EDRF1: variants seen among roughly 807,000 people sequenced by gnomAD.
EDRF1 encodes erythroid differentiation-related factor 1.
A neutral mutation model predicts 148.7 loss-of-function variants in EDRF1; 69 were observed. The observed-to-expected ratio is 0.46, with a 90% CI of 0.38 to 0.57. The LOEUF (loss-of-function observed/expected upper bound fraction) is 0.57. Ranked by LOEUF, EDRF1 falls within the 20% of genes least tolerant of loss-of-function variation. The pLI is 0.00. For synonymous variants in EDRF1, 515 were observed against 532.8 expected, an observed-to-expected ratio of 0.97 and a Z score of 0.46; for missense variants, 1,118 against 1,478.7, an observed-to-expected ratio of 0.76 and a Z score of 4.00.
At chr10:125,758,192 T>A (rs1005570437) in intron 24 of EDRF1, among the ~76,000 whole-genome samples, 1 of 152,236 alleles carries the variant, frequency 6.6e-6, no homozygotes, top group Non-Finnish European at 1.5e-5. Context: ...TGCCCTGGGT[T>A]CATTCTTACA....
At chr10:125,751,548 A>G (rs1160904202) in intron 22 of EDRF1, among the ~76,000 whole-genome samples, 1 of 152,134 alleles carries the variant, frequency 6.6e-6, no homozygotes, top group East Asian at 1.9e-4. Context: ...CTGAAATCAC[A>G]TTGATCCATT....
At chr10:125,719,964 C>G (rs748552701) in intron 1 of EDRF1, 49 bp downstream of exon 1, 2 of 1,524,912 alleles carry the variant, frequency 1.3e-6, no homozygotes, top group East Asian at 4.6e-5. Flanking sequence ...GAGCGGAGGA[C>G]CCGCTCCACC....
intron 4 of EDRF1, among the ~76,000 whole-genome samples, chr10:125,724,382 G>A (rs1057089542): frequency 5.9e-5 from 9 of 152,140 alleles, no homozygotes; most frequent in African/African-American, 1.4e-4. Context: ...TGCATATACC[G>A]GTGGTCCCAT....
At position 125,762,659 on chromosome 10, in the gene EDRF1, G is replaced by C. The variant is rs1850244402; in HGVS notation, c.3546-642G>C. On this transcript the variant is annotated intron_variant, in intron 24 of 24. Transcript: ENST00000356792. The stretch of plus-strand genomic sequence containing the variant: ...GTACTGTCTAGTACTCTTCAGCTGA[G>C]GGGCAGTCTTCACACAGAATTGCAC... Among the ~76,000 whole-genome samples the C allele has an allele frequency of 2.0e-5, 3 of 152,160 alleles. No homozygotes were observed. In the South Asian group the frequency reaches 6.2e-4, roughly 32 times the overall value.
At chr10:125,735,559 C>T (rs1167048497) in intron 12 of EDRF1, 85 bp from the exon 13 acceptor site, 2 of 1,356,794 alleles carry the variant, frequency 1.5e-6, no homozygotes, top group Admixed American at 1.9e-5. Flanking sequence ...GTGCAGACCT[C>T]CTCCTAAAAT....
intron 15 of EDRF1, among the ~76,000 whole-genome samples, chr10:125,739,250 C>T (rs1242267255): frequency 1.3e-5 from 2 of 152,200 alleles, no homozygotes; most frequent in Admixed American, 6.5e-5. Context: ...AGATTTATTT[C>T]CCCAGCATTT....
In EDRF1 at chr10:125,750,165, A is replaced by G. The variant is rs1849567905; in HGVS notation, c.3277+600A>G. 2.0e-5 allele frequency among the ~76,000 whole-genome samples: 3 copies of G among 152,138 alleles called. 1 individual carries two copies. The South Asian group carries it at 6.2e-4, about 32-fold the overall frequency. ...CAAAAAACAAAAACAAACAAAAAAA[A>G]AGATTTAAATCGGCATGAAAAATTT... On this transcript the variant is annotated intron_variant, in intron 22 of 24. Coordinates refer to ENST00000356792, the MANE Select transcript of EDRF1 (RefSeq NM_001202438.2).
At chr10:125,754,978 T>G (rs879500400) in intron 24 of EDRF1, among the ~76,000 whole-genome samples, 19 of 152,234 alleles carry the variant, frequency 1.2e-4, no homozygotes, top group Admixed American at 2.0e-4. Context: ...TATAGATGTG[T>G]GCCTGCCACC....
chr10:125,746,616 CTG>C (rs1470383545), intron 19 of EDRF1: 2 of 152,686 alleles, frequency 1.3e-5, no homozygotes, highest in Non-Finnish European at 2.9e-5. Flanking sequence ...GAGTTTCACT[CTG>C]TTGCTCAGGC....
In EDRF1 at chr10:125,747,384, T is replaced by G. The variant is rs568569540; in HGVS notation, c.2815-152T>G. 5.7e-4 allele frequency: 504 copies of G among 877,604 alleles called. 3 individuals carry two copies. The Middle Eastern group carries it at 7.8e-3, about 14-fold the overall frequency. The allele number at this position is 877,604 out of a possible 1,614,324, so 54.4% of individuals were successfully genotyped here. On this transcript the variant is annotated intron_variant, in intron 19 of 24. Transcript: ENST00000356792. ...CTTCATTGAAATATTTTCATTGACT[T>G]ACTTTTTTCATTTCCTCATAATATT...
At chr10:125,744,258 G>A (rs115236307) in intron 18 of EDRF1, among the ~76,000 whole-genome samples, 2,222 of 149,584 alleles carry the variant, frequency 0.015, 69 homozygotes, top group African/African-American at 0.051. Context: ...TTACTCTGTC[G>A]CGCAGGCTAG....
At chr10:125,742,419 G>A in intron 17 of EDRF1, 2 of 1,108,634 alleles carry the variant, frequency 1.8e-6, no homozygotes, top group Non-Finnish European at 2.2e-6. Flanking sequence ...CTTGATGTTT[G>A]CCTCCCAGAG....
intron 9 of EDRF1, 138 bp downstream of exon 9, chr10:125,730,537 G>T: frequency 1.4e-6 from 1 of 714,970 alleles, no homozygotes; most frequent in Non-Finnish European, 2.6e-6. Context: ...GAATTTGAGT[G>T]TACATTTAAG....
In EDRF1 at chr10:125,745,334, G is replaced by A. The variant is rs926620297; in HGVS notation, c.2591-373G>A. 6.5e-5 allele frequency: 15 copies of A among 230,214 alleles called. No individual in the cohort carries two copies. In the South Asian group the frequency reaches 8.6e-4, roughly 13 times the overall value. 14.3% of individuals were successfully genotyped at this position (230,214 alleles called of 1,614,324 possible). A position where few individuals can be genotyped will look rare whatever the true frequency, so the allele number is the denominator to read the frequency against. ...GCTTGCAGATAACCGCCTTGTCACCGTGTCCACACAGGGCCTTCTCTCTGT... is the reference window on the plus strand; with the variant it reads ...GCTTGCAGATAACCGCCTTGTCACCATGTCCACACAGGGCCTTCTCTCTGT... On this transcript the variant is annotated intron_variant, in intron 18 of 24. Transcript: ENST00000356792.
chr10:125,735,875 G>C lies in EDRF1; in HGVS notation c.1729G>C (p.Glu577Gln), dbSNP rs1016870148. 5.0e-6 allele frequency: 8 copies of C among 1,610,750 alleles called. No individual in the cohort carries two copies. The highest frequency in any genetic ancestry group is 6.8e-6 in the Non-Finnish European group (8 of 1,177,734). ...GTCTGTTGGAGAACTATCAGTACCA[G>C]AAAAATACAAATCTATTCATCAAAT... ...IKSVGELSVP[E>Q]KYKSIHQIRP... Residue 577 changes from glutamate to glutamine, a missense_variant, in exon 13 of 25, where the codon GAA becomes CAA. Transcript: ENST00000356792.
At position 125,725,323 on chromosome 10, in the gene EDRF1, T is replaced by A. The variant is rs778676399; in HGVS notation, c.516T>A (p.Gly172=). The change falls in exon 5 of 25, where the codon GGT becomes GGA. Residue 172 remains glycine, a synonymous_variant. Coordinates refer to ENST00000356792, the MANE Select transcript of EDRF1 (RefSeq NM_001202438.2). The part of the protein sequence containing the change: ...QELFMRSSQT[G]DWTWLKEFYQ... ...ATGTATCTCATGTTATCCAGACTGG[T>A]GACTGGACATGGTTGAAAGAGTTTT... 3.7e-6 allele frequency: 6 copies of A among 1,613,864 alleles called. No individual in the cohort carries two copies. In the African/African-American group the frequency reaches 8.0e-5, roughly 22 times the overall value.
At chr10:125,761,210 T>G (rs1850177480) in intron 24 of EDRF1, 1 of 399,560 alleles carries the variant, frequency 2.5e-6, no homozygotes, top group East Asian at 8.2e-5. Flanking sequence ...TAAAAAAAAT[T>G]TTTGTTTTCA....
chr10:125,762,559 A>G (rs1372583228), intron 24 of EDRF1, among the ~76,000 whole-genome samples: 3 of 152,188 alleles, frequency 2.0e-5, no homozygotes, highest in South Asian at 2.1e-4. Context: ...AGTAACAAAA[A>G]TAGAATTCAC....
chr10:125,746,458 G>T (rs1465739437), intron 19 of EDRF1, among the ~76,000 whole-genome samples: 1 of 152,012 alleles, frequency 6.6e-6, no homozygotes, highest in Non-Finnish European at 1.5e-5. Flanking sequence ...TATAAAATAA[G>T]AATCATTGAA....
Sources: gnomAD v4.1 joint callset for allele counts (sites outside exome capture counted in the v4.1 genomes callset) on GRCh38, gnomAD v4.1.1 for gene constraint, MANE v1.5 for transcripts, NCBI Gene and HGNC (gene_info 2026-07-23, HGNC 2026-07-21) for gene names.